The following REV3L variants were observed in gnomAD, a reference collection of about 807,000 sequenced individuals.
REV3L encodes REV3 like, DNA directed polymerase zeta catalytic subunit, also known as DNA polymerase zeta catalytic subunit.
In REV3L, 69 loss-of-function variants were observed where a neutral mutation model predicts 299.4. That is an observed-to-expected ratio of 0.23 (90% CI 0.19 to 0.28). REV3L has a LOEUF of 0.28. Ranked by LOEUF, REV3L falls within the 10% of genes least tolerant of loss-of-function variation. REV3L has a pLI of 1.00. For missense variants in REV3L, 3,128 were observed against 3,693.8 expected, an observed-to-expected ratio of 0.85 and a Z score of 3.97; for synonymous variants, 1,238 against 1,271.4, an observed-to-expected ratio of 0.97 and a Z score of 0.56.
chr6:111,387,719 G>C (rs769781153), intron 9 of REV3L, 46 bp downstream of exon 9: 10 of 1,542,364 alleles, frequency 6.5e-6, no homozygotes, highest in Non-Finnish European at 6.3e-6. Flanking sequence ...CTCAGTGCTA[G>C]ATATCTGTTC....
chr6:111,422,011 T>C (rs1785417316), intron 1 of REV3L, among the ~76,000 whole-genome samples: 1 of 152,186 alleles, frequency 6.6e-6, no homozygotes, highest in African/African-American at 2.4e-5. Flanking sequence ...AAATTATCTA[T>C]TCTCATGGAA....
intron 4 of REV3L, among the ~76,000 whole-genome samples, chr6:111,396,727 T>C (rs1782550302): frequency 6.6e-6 from 1 of 151,954 alleles, no homozygotes; most frequent in South Asian, 2.1e-4. Flanking sequence ...AGACAAGGTC[T>C]CACTGTTGCC....
intron 1 of REV3L, among the ~76,000 whole-genome samples, chr6:111,459,655 A>G (rs904380681): frequency 2.0e-5 from 3 of 152,164 alleles, no homozygotes; most frequent in Admixed American, 2.0e-4. Context: ...ATGGCCAAAA[A>G]AAAATTGAAA....
Position 111,376,114 on chromosome 6 carries a change from C to G in REV3L, c.2241G>C (p.Leu747=), listed in dbSNP as rs930179247. The G allele has an allele frequency of 1.1e-5, 17 of 1,613,300 alleles. No individual in the cohort carries two copies. Among genetic ancestry groups the G allele is most frequent in the Non-Finnish European group, 1.4e-5 (17 of 1,179,940 alleles). ...PSSFTENCEL[L]SCSGENRTMV... is the part of the protein sequence containing the mutation. ...TAGTTCTATTCTCCCCTGAGCATGA[C>G]AGTAATTCACAATTTTCAGTAAATG... The change falls in exon 13 of 32, where the codon CTG becomes CTC. Residue 747 remains leucine, a synonymous_variant. Transcript: ENST00000368802.
rs55980349 is a variant in REV3L, at chr6:111,389,031, G to T, written c.862+75C>A. ...TGAAAAGTAAAATCTAATGTCAAAG[G>T]AACAACTCAATGACAAACTTTTCCA... On this transcript the variant is annotated intron_variant, in intron 7 of 31. Transcript: ENST00000368802. 11 of 1,095,462 alleles carry T rather than the reference G, an allele frequency of 1.0e-5. No homozygotes were observed. The East Asian group carries it at 1.2e-4, about 12-fold the overall frequency. 67.9% of individuals were successfully genotyped at this position (1,095,462 alleles called of 1,614,324 possible). A position where few individuals can be genotyped will look rare whatever the true frequency, so the allele number is the denominator to read the frequency against.
At position 111,323,549 on chromosome 6, in the gene REV3L, T is replaced by C. The variant is rs538383104; in HGVS notation, c.8242-871A>G. 1.8e-3 allele frequency among the ~76,000 whole-genome samples: 274 copies of C among 152,356 alleles called. 1 individual carries two copies. The highest frequency in any genetic ancestry group is 3.3e-3 in the Non-Finnish European group (227 of 68,030). ...GGTAGATATATATCTAGGAAGGTTT[T>C]ACTCATTGGTGATTAGTGAATTTTA... On this transcript the variant is annotated intron_variant, in intron 25 of 31. Coordinates refer to ENST00000368802, the MANE Select transcript of REV3L (RefSeq NM_001372078.1).
chr6:111,435,040 A>G (rs1030890685), intron 1 of REV3L, among the ~76,000 whole-genome samples: 5 of 152,170 alleles, frequency 3.3e-5, no homozygotes, highest in Admixed American at 6.5e-5. Context: ...CCCTGTCTCT[A>G]CAAAAAATAC....
chr6:111,303,161 CTTTCT>C (rs1473479528), intron 31 of REV3L, among the ~76,000 whole-genome samples: 2 of 55,550 alleles, frequency 3.6e-5, no homozygotes, highest in African/African-American at 1.2e-4. Flanking sequence ...GCTTTCTTTT[CTTTCT>C]TTTTTTTTTT....
intron 23 of REV3L, among the ~76,000 whole-genome samples, chr6:111,332,824 C>T (rs1248696395): frequency 6.6e-6 from 1 of 152,132 alleles, no homozygotes; most frequent in East Asian, 1.9e-4. Context: ...AGGTAATTTA[C>T]ATCAACAATT....
intron 20 of REV3L, among the ~76,000 whole-genome samples, chr6:111,344,543 T>G (rs973080509): frequency 2.0e-5 from 3 of 152,182 alleles, no homozygotes; most frequent in Non-Finnish European, 4.4e-5. Flanking sequence ...GCCACTCAAT[T>G]TCATTCCAAA....
At chr6:111,303,532 A>G (rs1352152519) in intron 31 of REV3L, among the ~76,000 whole-genome samples, 6 of 150,356 alleles carry the variant, frequency 4.0e-5, no homozygotes, top group Non-Finnish European at 5.9e-5. Flanking sequence ...ATACCCTGCT[A>G]ATTTTTGTAT....
chr6:111,448,278 T>C (rs894835690), intron 1 of REV3L, among the ~76,000 whole-genome samples: 3 of 152,186 alleles, frequency 2.0e-5, no homozygotes, highest in Non-Finnish European at 4.4e-5. Context: ...GCAACGAAGA[T>C]CTGTGAGATT....
At position 111,405,471 on chromosome 6, in the gene REV3L, T is replaced by G; in HGVS notation, c.564A>C (p.Lys188Asn). The G allele has an allele frequency of 1.9e-6, 3 of 1,591,000 alleles. No individual in the cohort carries two copies. Among genetic ancestry groups the G allele is most frequent in the Non-Finnish European group, 2.6e-6 (3 of 1,171,798 alleles). Residue 188 changes from lysine (K) to asparagine (N), a missense_variant and splice_region_variant, in exon 4 of 32, where the codon AAA (lysine) becomes AAC (asparagine). Physicochemically the swap from Lys to Asn is moderately conservative, Grantham distance 94 (BLOSUM62 0). Around this residue, in one of 9 missense-constraint regions of REV3L, gnomAD observed 2,409 missense variants for 2,611.8 expected, o/e 0.92. Transcript: ENST00000368802. ...AATTTGACTGAAAATTAACCTTACT[T>G]TTCCTTCTTGCTTTTCGGAACTTGA... Reference protein sequence around the residue: ...AAVKFRKARRKSNTLHATGSC... With the variant: ...AAVKFRKARRNSNTLHATGSC...
At chr6:111,337,031 CAG>C (rs1231871301) in intron 21 of REV3L, among the ~76,000 whole-genome samples, 2 of 135,504 alleles carry the variant, frequency 1.5e-5, no homozygotes, top group Non-Finnish European at 3.1e-5. Context: ...TCTATGGGGA[CAG>C]AAAATAGATC....
rs1430274029 is a variant in REV3L at position 111,299,757 on chromosome 6, A to G, written c.*259T>C. 3.5e-6 allele frequency: 1 copy of G among 283,834 alleles called. No individual in the cohort carries two copies. Among genetic ancestry groups the G allele is most frequent in the Non-Finnish European group, 6.5e-6 (1 of 152,834 alleles). The allele number at this position is 283,834 out of a possible 1,614,324, so 17.6% of individuals were successfully genotyped here. ...CAAATGAATTTACAAGATGGTACAC[A>G]TACTGGAGCAAATCCAACACCTGCA... On this transcript the variant is annotated 3_prime_UTR_variant, in exon 32 of 32. Transcript: ENST00000368802.
Position 111,383,183 on chromosome 6 carries a change from A to T in REV3L, c.1097-1739T>A, listed in dbSNP as rs916114659. ...CCCAGTGCATTCACAGCACTGGGAA[A>T]AATTGAAAGCCCGTTCTCTAAGATC... is the stretch of plus-strand genomic sequence containing the variant. On this transcript the variant is annotated intron_variant, in intron 9 of 31. Coordinates refer to ENST00000368802, the MANE Select transcript of REV3L (RefSeq NM_001372078.1). Among the ~76,000 whole-genome samples, 86 of 152,210 alleles carry T rather than the reference A, an allele frequency of 5.7e-4. 2 individuals carry two copies. The highest frequency in any genetic ancestry group is 1.6e-4 in the Non-Finnish European group (11 of 68,042).
At chr6:111,351,553 A>G in intron 19 of REV3L, 123 bp downstream of exon 19, 1 of 591,328 alleles carries the variant, frequency 1.7e-6, no homozygotes, top group Non-Finnish European at 3.0e-6. Flanking sequence ...GCTATATCTA[A>G]AACTTACACA....
At chr6:111,395,888 T>C (rs1782448317) in intron 4 of REV3L, among the ~76,000 whole-genome samples, 1 of 152,216 alleles carries the variant, frequency 6.6e-6, no homozygotes, top group Admixed American at 6.5e-5. Flanking sequence ...TCAAGAGTTT[T>C]TACCATGAAG....
intron 1 of REV3L, among the ~76,000 whole-genome samples, chr6:111,420,603 C>G (rs969861923): frequency 6.6e-6 from 1 of 152,178 alleles, no homozygotes; most frequent in African/African-American, 2.4e-5. Context: ...GCTGAACAAG[C>G]CCATGTACAC....
Sources: gnomAD v4.1 joint callset for allele counts (sites outside exome capture counted in the v4.1 genomes callset) on GRCh38, gnomAD v4.1.1 for gene constraint, gnomAD v4.1.1 regional missense constraint, MANE v1.5 for transcripts, NCBI Gene and HGNC (gene_info 2026-07-23, HGNC 2026-07-21) for gene names.